The following C16orf87 variants were observed in gnomAD, a reference collection of about 807,000 sequenced individuals.
C16orf87 encodes HDAC and MIER1 interacting protein 1.
Under a neutral mutation model 21.0 loss-of-function variants are expected in C16orf87, and 13 were observed. The ratio of observed to expected loss-of-function variants is 0.62; its 90% CI spans 0.40 to 0.98. The LOEUF (loss-of-function observed/expected upper bound fraction) is 0.98. Among genes scored for constraint, C16orf87 ranks in the 50% least tolerant of loss-of-function variants. The pLI is 0.00. For missense variants in C16orf87, 113 were observed against 180.4 expected (o/e 0.63, Z 2.14); for synonymous variants, 49 against 60.2 (o/e 0.81, Z 0.86).
At chr16:46,809,570 A>G (rs1449636461) in intron 3 of C16orf87, 33 bp downstream of exon 3, 3 of 1,511,342 alleles carry the variant, frequency 2.0e-6, no homozygotes, top group Non-Finnish European at 2.7e-6. Context: ...TCAATTTAAT[A>G]CTTGAAAAAA....
In C16orf87 at chr16:46,827,957, G is replaced by A. The variant is rs574043701; in HGVS notation, c.66+3127C>T. Among the ~76,000 whole-genome samples, 12 of 138,312 alleles carry A rather than the reference G, an allele frequency of 8.7e-5. No individual in the cohort carries two copies. The East Asian group carries it at 2.5e-3, about 29-fold the overall frequency. The allele number at this position is 138,312 out of a possible 152,430, so 90.7% of individuals were successfully genotyped here. A position where few individuals can be genotyped will look rare whatever the true frequency, so the allele number is the denominator to read the frequency against. ...ACTGATTTTTTTACTTTTTTTTTTT[G>A]AGACGGAGTCTCTGTCGCCCAGGCT... is the stretch of plus-strand genomic sequence containing the variant. On this transcript the variant is annotated intron_variant, in intron 1 of 3. Transcript: ENST00000285697.
chr16:46,820,427 G>T (rs1016504269), intron 2 of C16orf87, among the ~76,000 whole-genome samples: 1 of 151,762 alleles, frequency 6.6e-6, no homozygotes, highest in African/African-American at 2.4e-5. Context: ...CATTTTGTGG[G>T]GTTTTAAAAA....
intron 2 of C16orf87, among the ~76,000 whole-genome samples, chr16:46,817,916 C>CAAAAAAAAAAAAAAAAAAAAAAAAA: frequency 1.5e-5 from 1 of 68,284 alleles, no homozygotes; most frequent in Non-Finnish European, 2.6e-5. Flanking sequence ...CATCAAAAAG[C>CAAAAAAAAAAAAAAAAAAAAAAAAA]AAAAAAAAAA....
rs1967662734 is a variant in C16orf87, at chr16:46,798,048, AT to A, written c.*4903del. On this transcript the variant is annotated 3_prime_UTR_variant, in exon 4 of 4. Coordinates refer to ENST00000285697, the MANE Select transcript of C16orf87 (RefSeq NM_001001436.4). ...CAAAAAGCCTTCTGATCAGTGTTGA[AT>A]TAAATAAATAAATAAATAAATAAGT... 1 of 151,346 alleles carries A rather than the reference AT, an allele frequency of 6.6e-6. No homozygotes were observed. Among genetic ancestry groups the A allele is most frequent in the Admixed American group, 6.6e-5 (1 of 15,174 alleles). 9.4% of individuals were successfully genotyped at this position (151,346 alleles called of 1,614,324 possible).
intron 1 of C16orf87, chr16:46,830,869 G>C: frequency 2.7e-6 from 1 of 369,080 alleles, no homozygotes; most frequent in Non-Finnish European, 4.8e-6. Context: ...TTGGCCGTCT[G>C]GCCGCCGCCA....
intron 1 of C16orf87, among the ~76,000 whole-genome samples, chr16:46,829,966 A>C (rs977311345): frequency 4.6e-5 from 7 of 151,178 alleles, no homozygotes; most frequent in African/African-American, 1.7e-4. Context: ...GGGAGGAGAG[A>C]AAGGTAGTCA....
intron 1 of C16orf87, among the ~76,000 whole-genome samples, chr16:46,825,757 AT>A (rs1959591556): frequency 6.6e-6 from 1 of 152,010 alleles, no homozygotes; most frequent in African/African-American, 2.4e-5. Flanking sequence ...ACTAAAAAAA[AT>A]ACAAAATTAG....
At chr16:46,826,803 A>G (rs141492223) in intron 1 of C16orf87, among the ~76,000 whole-genome samples, 25 of 152,354 alleles carry the variant, frequency 1.6e-4, no homozygotes, top group Non-Finnish European at 2.1e-4. Flanking sequence ...ACCTAAACAT[A>G]TTATTAAGGG....
At position 46,798,089 on chromosome 16, in the gene C16orf87, A is replaced by G. The variant is rs1191743740; in HGVS notation, c.*4863T>C. 1 of 152,168 alleles carries G rather than the reference A, an allele frequency of 6.6e-6. No individual in the cohort carries two copies. The highest frequency in any genetic ancestry group is 2.4e-5 in the African/African-American group (1 of 41,468). 9.4% of individuals were successfully genotyped at this position (152,168 alleles called of 1,614,324 possible). A position where few individuals can be genotyped will look rare whatever the true frequency, so the allele number is the denominator to read the frequency against. Reference sequence around the variant, plus strand: ...AATAAATAAGTAAATTTTAAAATCAATGATCTGAGCTTCCGCCACAATAAG... The same window carrying G: ...AATAAATAAGTAAATTTTAAAATCAGTGATCTGAGCTTCCGCCACAATAAG... On this transcript the variant is annotated 3_prime_UTR_variant, in exon 4 of 4. Transcript: ENST00000285697.
chr16:46,810,570 G>C (rs890043663), intron 2 of C16orf87, among the ~76,000 whole-genome samples: 10 of 152,102 alleles, frequency 6.6e-5, no homozygotes, highest in Non-Finnish European at 1.3e-4. Context: ...AAAAATCTCA[G>C]TGGTAAAGGG....
intron 1 of C16orf87, among the ~76,000 whole-genome samples, chr16:46,830,069 A>G (rs1405348810): frequency 6.6e-6 from 1 of 152,184 alleles, no homozygotes; most frequent in Non-Finnish European, 1.5e-5. Context: ...TTTTAACTGA[A>G]GTAGTTTTAA....
rs966804710 is a variant in C16orf87 at position 46,802,231 on chromosome 16, T to G, written c.*721A>C. On this transcript the variant is annotated 3_prime_UTR_variant, in exon 4 of 4. Coordinates refer to ENST00000285697, the MANE Select transcript of C16orf87 (RefSeq NM_001001436.4). Reference sequence around the variant, plus strand: ...CAGGCACCATCTTGAGAGCAGTTTGTTTTTTTTTTTTAGCTAATAAATAAA... The same window carrying G: ...CAGGCACCATCTTGAGAGCAGTTTGGTTTTTTTTTTTAGCTAATAAATAAA... 3 of 143,618 alleles carry G rather than the reference T, an allele frequency of 2.1e-5. No homozygotes were observed. Among genetic ancestry groups the G allele is most frequent in the Non-Finnish European group, 3.1e-5 (2 of 65,140 alleles). 8.9% of individuals were successfully genotyped at this position (143,618 alleles called of 1,614,324 possible).
In C16orf87 at chr16:46,817,799, G is replaced by A. The variant is rs1196525233; in HGVS notation, c.163+6587C>T. ...TAAAAACAATCAGTCTTAATTAGAA[G>A]TCAAAGAACTCTATGAAAAGTGTTT... On this transcript the variant is annotated intron_variant, in intron 2 of 3. Coordinates refer to ENST00000285697, the MANE Select transcript of C16orf87 (RefSeq NM_001001436.4). Among the ~76,000 whole-genome samples the A allele has an allele frequency of 2.0e-5, 3 of 150,592 alleles. No individual in the cohort carries two copies. In the East Asian group the frequency reaches 5.9e-4, roughly 30 times the overall value.
At chr16:46,824,296 C>A in intron 2 of C16orf87, 90 bp downstream of exon 2, 2 of 669,542 alleles carry the variant, frequency 3.0e-6, no homozygotes, top group South Asian at 1.9e-5. Flanking sequence ...AAACTTTTAA[C>A]TTCAACAAAA....
chr16:46,823,471 A>G (rs1339150369), intron 2 of C16orf87, among the ~76,000 whole-genome samples: 1 of 152,222 alleles, frequency 6.6e-6, no homozygotes, highest in Admixed American at 6.5e-5. Context: ...ATATTAATAA[A>G]TATGTCTATT....
chr16:46,822,014 C>T (rs781697103), intron 2 of C16orf87, among the ~76,000 whole-genome samples: 9 of 152,190 alleles, frequency 5.9e-5, no homozygotes, highest in Non-Finnish European at 1.3e-4. Flanking sequence ...ACTGGTTAAA[C>T]TTAACAACTC....
chr16:46,827,589 CT>C (rs954837604), intron 1 of C16orf87, among the ~76,000 whole-genome samples: 37 of 149,000 alleles, frequency 2.5e-4, no homozygotes, highest in Admixed American at 1.1e-3. Flanking sequence ...ATTTATTTAT[CT>C]TTTTTTTTTG....
rs1055992840 is a variant in C16orf87 at position 46,799,332 on chromosome 16, A to G, written c.*3620T>C. The G allele has an allele frequency of 2.1e-4, 32 of 152,316 alleles. No homozygotes were observed. The highest frequency in any genetic ancestry group is 7.5e-4 in the African/African-American group (31 of 41,592). 9.4% of individuals were successfully genotyped at this position (152,316 alleles called of 1,614,324 possible). A position where few individuals can be genotyped will look rare whatever the true frequency, so the allele number is the denominator to read the frequency against. On this transcript the variant is annotated 3_prime_UTR_variant, in exon 4 of 4. Transcript: ENST00000285697. Reference sequence around the variant, plus strand: ...CCTGAGAATAAAAATATATAAACATATATACATGTACTTCCAAATGTAAAA... The same window carrying G: ...CCTGAGAATAAAAATATATAAACATGTATACATGTACTTCCAAATGTAAAA...
Position 46,826,126 on chromosome 16 carries a change from G to T in C16orf87, c.67-1644C>A, listed in dbSNP as rs1160051145. On this transcript the variant is annotated intron_variant, in intron 1 of 3. Transcript: ENST00000285697. ...CGGACAAGATATTTAAGATCTTCAA[G>T]CTTCTGTTTCCAAATCTGCAAAATA... Among the ~76,000 whole-genome samples the T allele has an allele frequency of 2.0e-5, 3 of 152,040 alleles. No individual in the cohort carries two copies. In the East Asian group the frequency reaches 5.8e-4, roughly 29 times the overall value.
Sources: gnomAD v4.1 joint callset for allele counts (sites outside exome capture counted in the v4.1 genomes callset) on GRCh38, gnomAD v4.1.1 for gene constraint, MANE v1.5 for transcripts, NCBI Gene and HGNC (gene_info 2026-07-23, HGNC 2026-07-21) for gene names.